CSMD2: variants seen among roughly 807,000 people sequenced by gnomAD.
The protein encoded by CSMD2 is CUB and sushi domain-containing protein 2.
CSMD2 carries 130 observed loss-of-function variants against 398.5 expected under a neutral mutation model. The observed-to-expected ratio is 0.33, with a 90% confidence interval of 0.28 to 0.38. The LOEUF is 0.38. Ranked by LOEUF, CSMD2 falls within the 10% of genes least tolerant of loss-of-function variation. The pLI is 1.00. For synonymous variants in CSMD2, 1,828 were observed against 1,908.5 expected (o/e 0.96, Z 1.10); for missense variants, 3,829 against 4,764.9 (o/e 0.80, Z 5.78).
chr1:33,720,264 C>G (rs1159879056), intron 19 of CSMD2, among the ~76,000 whole-genome samples: 1 of 152,180 alleles, frequency 6.6e-6, no homozygotes, highest in Non-Finnish European at 1.5e-5. Flanking sequence ...CAAGACAGAC[C>G]TATCTCTCAC....
chr1:34,105,593 C>T (rs1660453319), intron 1 of CSMD2, among the ~76,000 whole-genome samples: 1 of 152,152 alleles, frequency 6.6e-6, no homozygotes, highest in Non-Finnish European at 1.5e-5. Flanking sequence ...TCCTTGGAGC[C>T]TCGTGACACC....
intron 65 of CSMD2, 135 bp downstream of exon 65, chr1:33,527,061 G>T: frequency 1.2e-6 from 1 of 821,434 alleles, no homozygotes; most frequent in Non-Finnish European, 2.1e-6. Context: ...GGTAGGGAAA[G>T]CCATCCAGAT....
chr1:33,817,987 C>T (rs1442439438), intron 9 of CSMD2, among the ~76,000 whole-genome samples: 1 of 152,214 alleles, frequency 6.6e-6, no homozygotes, highest in East Asian at 1.9e-4. Flanking sequence ...CACACTTTTT[C>T]AGCTACAAAC....
In CSMD2 at chr1:33,624,533, C is replaced by T; in HGVS notation, c.5611G>A (p.Gly1871Ser). 1 of 1,613,886 alleles carries T rather than the reference C, an allele frequency of 6.2e-7. No individual in the cohort carries two copies. The highest frequency in any genetic ancestry group is 1.3e-5 in the African/African-American group (1 of 75,048). The part of the protein sequence containing the change: ...NCVWKIVVPE[G>S]AGIQIQVVSF... ...CTTGCCCCTACCTGGATGCCAGCGC[C>T]TTCGGGGACCACGATCTTCCACACA... Residue 1871 changes from glycine (G) to serine (S), a missense_variant, in exon 35 of 71, where the codon GGC (glycine) becomes AGC (serine). Coordinates refer to ENST00000373381, the MANE Select transcript of CSMD2 (RefSeq NM_001281956.2). This position sits in a 1 kb window ranked among gnomAD's most constrained non-coding sequence, Gnocchi z 4.7.
intron 12 of CSMD2, among the ~76,000 whole-genome samples, chr1:33,775,484 G>A (rs1444621120): frequency 6.6e-6 from 1 of 152,152 alleles, no homozygotes; most frequent in Non-Finnish European, 1.5e-5. Flanking sequence ...CCAGACCTGG[G>A]TCAGGAAAGG....
intron 11 of CSMD2, among the ~76,000 whole-genome samples, chr1:33,790,158 G>A (rs1654056506): frequency 6.6e-6 from 1 of 152,224 alleles, no homozygotes; most frequent in Non-Finnish European, 1.5e-5. Context: ...CAGAAAATGA[G>A]TGATGGGGAT....
intron 10 of CSMD2, among the ~76,000 whole-genome samples, chr1:33,802,915 C>A (rs1214033181): frequency 6.6e-6 from 1 of 152,140 alleles, no homozygotes; most frequent in Non-Finnish European, 1.5e-5. Flanking sequence ...CCCAAACTTT[C>A]TCTCTATCTT....
At chr1:33,961,268 C>T (rs1395906829) in intron 3 of CSMD2, among the ~76,000 whole-genome samples, 5 of 152,358 alleles carry the variant, frequency 3.3e-5, no homozygotes, top group African/African-American at 7.2e-5. Context: ...CTGTGCTTCC[C>T]CCAGTTCAAG....
chr1:34,098,920 A>C (rs1187319981), intron 1 of CSMD2, among the ~76,000 whole-genome samples: 1 of 58,576 alleles, frequency 1.7e-5, no homozygotes, highest in African/African-American at 1.1e-4. Context: ...TCAACAACAG[A>C]ATATCAGAAA....
intron 10 of CSMD2, among the ~76,000 whole-genome samples, chr1:33,795,613 G>A (rs1274516493): frequency 6.6e-6 from 1 of 152,226 alleles, no homozygotes; most frequent in Non-Finnish European, 1.5e-5. Flanking sequence ...TCATCTGTGA[G>A]CCTGACTTGT....
At chr1:33,648,178 C>A (rs1010973560) in intron 28 of CSMD2, among the ~76,000 whole-genome samples, 1 of 151,868 alleles carries the variant, frequency 6.6e-6, no homozygotes, top group Admixed American at 6.6e-5. Context: ...CTGACTAACA[C>A]GGTGAAACCC....
Position 33,725,494 on chromosome 1 carries a change from A to G in CSMD2, c.2550T>C (p.Asp850=). ...EVNYDTLEVR[D]GRTYSAPLIG... ...TCAAGGGCGCTGAGTAAGTCCGCCCATCGCGTACTTCCAGGGTGTCATAGT... is the reference window on the plus strand; with the variant it reads ...TCAAGGGCGCTGAGTAAGTCCGCCCGTCGCGTACTTCCAGGGTGTCATAGT... The change falls in exon 17 of 71, where the codon GAT becomes GAC. Residue 850 remains aspartate, a synonymous_variant. Transcript: ENST00000373381. 1 of 1,614,228 alleles carries G rather than the reference A, an allele frequency of 6.2e-7. No individual in the cohort carries two copies. The highest frequency in any genetic ancestry group is 8.5e-7 in the Non-Finnish European group (1 of 1,180,014).
intron 46 of CSMD2, among the ~76,000 whole-genome samples, chr1:33,585,040 C>A (rs1638982529): frequency 6.6e-6 from 1 of 152,154 alleles, no homozygotes; most frequent in Non-Finnish European, 1.5e-5. Flanking sequence ...TCAGGACCAT[C>A]CACCTCCATT....
At chr1:33,752,785 A>G (rs1262213469) in intron 13 of CSMD2, among the ~76,000 whole-genome samples, 2 of 152,216 alleles carry the variant, frequency 1.3e-5, no homozygotes, top group Non-Finnish European at 2.9e-5. Flanking sequence ...GGGACAGTGA[A>G]GGCCAGGCTA....
chr1:33,909,995 T>C (rs537664387), intron 5 of CSMD2, among the ~76,000 whole-genome samples: 86 of 152,272 alleles, frequency 5.6e-4, no homozygotes, highest in African/African-American at 1.9e-3. Flanking sequence ...GGCCCCACCA[T>C]AGTCATTCAG....
intron 3 of CSMD2, among the ~76,000 whole-genome samples, chr1:34,018,143 A>C (rs187318457): frequency 1.2e-4 from 19 of 152,334 alleles, no homozygotes; most frequent in African/African-American, 4.1e-4. Context: ...GTTTGTAATA[A>C]ATATGAAGAA....
intron 1 of CSMD2, among the ~76,000 whole-genome samples, chr1:34,093,306 G>GA (rs1445556086): frequency 1.3e-5 from 2 of 152,262 alleles, no homozygotes; most frequent in East Asian, 1.9e-4. Context: ...CAAAGATGGG[G>GA]AAAAAACAGA....
intron 39 of CSMD2, among the ~76,000 whole-genome samples, chr1:33,615,646 T>C (rs984305172): frequency 2.0e-5 from 3 of 152,226 alleles, no homozygotes; most frequent in East Asian, 1.9e-4. Context: ...CTGCATTTAC[T>C]TGGGACAAGG....
In CSMD2 at chr1:33,538,472, G is replaced by A. The variant is rs1656012687; in HGVS notation, c.9632-863C>T. On this transcript the variant is annotated intron_variant, in intron 60 of 70. Coordinates refer to ENST00000373381, the MANE Select transcript of CSMD2 (RefSeq NM_001281956.2). ...TGCTATGATGCAAATGTGTGTGCGT[G>A]TGCGTGTGTGTGTGTGTGTCTGTGT... Among the ~76,000 whole-genome samples the A allele has an allele frequency of 1.3e-5, 2 of 152,202 alleles. 1 individual carries two copies. The highest frequency in any genetic ancestry group is 4.8e-5 in the African/African-American group (2 of 41,440).
Sources: gnomAD v4.1 joint callset for allele counts (sites outside exome capture counted in the v4.1 genomes callset) on GRCh38, gnomAD v4.1.1 for gene constraint, Gnocchi (gnomAD v3.1) non-coding constraint, MANE v1.5 for transcripts, NCBI Gene and HGNC (gene_info 2026-07-23, HGNC 2026-07-21) for gene names.